The following FGF20 variants were observed in gnomAD, a reference collection of about 807,000 sequenced individuals.
The protein encoded by FGF20 is fibroblast growth factor 20.
FGF20 carries 8 observed loss-of-function variants against 16.7 expected under a neutral mutation model. The ratio of observed to expected loss-of-function variants is 0.48; its 90% CI spans 0.28 to 0.87. The LOEUF (loss-of-function observed/expected upper bound fraction) is 0.87. Among genes scored for constraint, FGF20 ranks in the 40% least tolerant of loss-of-function variants. The pLI, the probability that FGF20 is intolerant of heterozygous loss-of-function variation, is 0.10. For synonymous variants in FGF20, 161 were observed against 118.6 expected (o/e 1.36, Z -2.32); for missense variants, 397 against 281.4 (o/e 1.41, Z -2.94).
At chr8:16,997,218 T>C (rs1585102439) in intron 1 of FGF20, among the ~76,000 whole-genome samples, 1 of 152,216 alleles carries the variant, frequency 6.6e-6, no homozygotes, top group African/African-American at 2.4e-5. Context: ...CACTAAACTT[T>C]GGACTAATGC....
At chr8:16,994,841 C>T (rs556353400) in intron 2 of FGF20, among the ~76,000 whole-genome samples, 4 of 152,178 alleles carry the variant, frequency 2.6e-5, no homozygotes, top group Non-Finnish European at 1.5e-5. Flanking sequence ...CTTACCAATT[C>T]TTATAAAAGC....
chr8:17,001,865 C>A lies in FGF20; in HGVS notation c.168G>T (p.Gln56His), dbSNP rs748250152. Residue 56 changes from glutamine (Q) to histidine (H), a missense_variant, in exon 1 of 3, where the codon CAG becomes CAT. Transcript: ENST00000180166. Reference protein sequence around the residue: ...RSARGGPGAAQLAHLHGILRR... With the variant: ...RSARGGPGAAHLAHLHGILRR... Reference sequence around the variant, plus strand: ...GCAGGATGCCGTGCAGGTGCGCCAGCTGCGCAGCCCCCGGCCCGCCGCGCG... The same window carrying A: ...GCAGGATGCCGTGCAGGTGCGCCAGATGCGCAGCCCCCGGCCCGCCGCGCG... 2 of 1,472,174 alleles carry A rather than the reference C, an allele frequency of 1.4e-6. No homozygotes were observed. The highest frequency in any genetic ancestry group is 3.0e-5 in the East Asian group (1 of 33,136). 91.2% of individuals were successfully genotyped at this position (1,472,174 alleles called of 1,614,324 possible).
intron 1 of FGF20, among the ~76,000 whole-genome samples, chr8:17,000,013 T>A (rs1023435728): frequency 1.3e-5 from 2 of 152,196 alleles, no homozygotes; most frequent in African/African-American, 4.8e-5. Context: ...CGCAGTGAAG[T>A]CATCCTTAAA....
rs936160285 is a variant in FGF20 at position 17,001,947 on chromosome 8, G to C, written c.86C>G (p.Pro29Arg). Residue 29 changes from proline to arginine, a missense_variant, in exon 1 of 3, where the codon CCT (proline) becomes CGT (arginine). Transcript: ENST00000180166. ...CAGCAGCGGCGGCCGCTCCCCGGCA[G>C]GAGGCAACAGGAAATGCGAACCCAC... ...QQVGSHFLLP[P>R]AGERPPLLGE... 1 of 1,499,866 alleles carries C rather than the reference G, an allele frequency of 6.7e-7. No individual in the cohort carries two copies. The highest frequency in any genetic ancestry group is 3.0e-5 in the East Asian group (1 of 33,696). The allele number at this position is 1,499,866 out of a possible 1,614,324, so 92.9% of individuals were successfully genotyped here.
chr8:16,996,731 C>T (rs905865431), intron 1 of FGF20, among the ~76,000 whole-genome samples: 3 of 152,048 alleles, frequency 2.0e-5, no homozygotes, highest in Non-Finnish European at 4.4e-5. Flanking sequence ...AAAACAAGCC[C>T]TTAAAATAAA....
intron 1 of FGF20, among the ~76,000 whole-genome samples, chr8:16,996,053 G>C (rs937083307): frequency 6.6e-6 from 1 of 152,196 alleles, no homozygotes; most frequent in Non-Finnish European, 1.5e-5. Context: ...GCCTTGGGAA[G>C]TTGACACCCT....
chr8:16,999,702 T>G lies in FGF20; in HGVS notation c.286+2045A>C, dbSNP rs1413321301. On this transcript the variant is annotated intron_variant, in intron 1 of 2. Coordinates refer to ENST00000180166, the MANE Select transcript of FGF20 (RefSeq NM_019851.3). ...ACGCCCAGCTAATTTTTTTTTTTTTTTTGTATTTTTTGTATTTTTAGTAGA... is the reference window on the plus strand; with the variant it reads ...ACGCCCAGCTAATTTTTTTTTTTTTGTTGTATTTTTTGTATTTTTAGTAGA... Among the ~76,000 whole-genome samples, 806 of 146,922 alleles carry G rather than the reference T, an allele frequency of 5.5e-3. 8 individuals are homozygous for G. The highest frequency in any genetic ancestry group is 0.018 in the African/African-American group (711 of 39,124).
In FGF20 at chr8:16,997,833, T is replaced by G. The variant is rs1810090620; in HGVS notation, c.287-2075A>C. Among the ~76,000 whole-genome samples the G allele has an allele frequency of 2.0e-5, 3 of 152,228 alleles. No individual in the cohort carries two copies. In the South Asian group the frequency reaches 6.2e-4, roughly 32 times the overall value. Reference sequence around the variant, plus strand: ...CAAAAACATAGGCCCAAAACATAATTGGTAGAAAATATATATATTAATGTA... The same window carrying G: ...CAAAAACATAGGCCCAAAACATAATGGGTAGAAAATATATATATTAATGTA... On this transcript the variant is annotated intron_variant, in intron 1 of 2. Transcript: ENST00000180166.
chr8:16,997,072 T>G (rs1810070405), intron 1 of FGF20, among the ~76,000 whole-genome samples: 1 of 152,208 alleles, frequency 6.6e-6, no homozygotes, highest in South Asian at 2.1e-4. Context: ...AGATTTACTA[T>G]CAATAACTTT....
In FGF20 at chr8:17,002,293, G is replaced by A; in HGVS notation, c.-261C>T. 1 of 399,986 alleles carries A rather than the reference G, an allele frequency of 2.5e-6. No homozygotes were observed. The highest frequency in any genetic ancestry group is 4.4e-6 in the Non-Finnish European group (1 of 229,436). 24.8% of individuals were successfully genotyped at this position (399,986 alleles called of 1,614,324 possible). On this transcript the variant is annotated 5_prime_UTR_variant, in exon 1 of 3. Coordinates refer to ENST00000180166, the MANE Select transcript of FGF20 (RefSeq NM_019851.3). ...TCTATAGCTGCCGCTGCCAATACTA[G>A]GACTAGGGCTGTTGGCTGGGGCTCC...
chr8:17,001,762 C>T lies in FGF20; in HGVS notation c.271G>A (p.Asp91Asn), dbSNP rs1432260518. 1 of 1,577,486 alleles carries T rather than the reference C, an allele frequency of 6.3e-7. No individual in the cohort carries two copies. Among genetic ancestry groups the T allele is most frequent in the South Asian group, 1.1e-5 (1 of 87,944 alleles). ...PDGSVQGTRQ[D>N]HSLFGILEFI... is the part of the protein sequence containing the mutation. ...TAGTACGTACCGAAGAGGCTGTGGT[C>T]CTGCCGGGTGCCCTGCACGCTGCCG... The change falls in exon 1 of 3, where the codon GAC becomes AAC. Residue 91 changes from aspartate (D) to asparagine (N), a missense_variant. Physicochemically the swap from Asp to Asn is conservative, Grantham distance 23. Coordinates refer to ENST00000180166, the MANE Select transcript of FGF20 (RefSeq NM_019851.3).
At position 17,001,865 on chromosome 8, in the gene FGF20, C is replaced by G. The variant is rs748250152; in HGVS notation, c.168G>C (p.Gln56His). The G allele has an allele frequency of 1.4e-6, 2 of 1,472,176 alleles. No homozygotes were observed. The highest frequency in any genetic ancestry group is 1.8e-6 in the Non-Finnish European group (2 of 1,113,558). The allele number at this position is 1,472,176 out of a possible 1,614,324, so 91.2% of individuals were successfully genotyped here. A position where few individuals can be genotyped will look rare whatever the true frequency, so the allele number is the denominator to read the frequency against. The change falls in exon 1 of 3, where the codon CAG (glutamine) becomes CAC (histidine). Residue 56 changes from glutamine to histidine, a missense_variant. Transcript: ENST00000180166. The stretch of plus-strand genomic sequence containing the variant: ...GCAGGATGCCGTGCAGGTGCGCCAG[C>G]TGCGCAGCCCCCGGCCCGCCGCGCG... ...RSARGGPGAA[Q>H]LAHLHGILRR...
intron 1 of FGF20, among the ~76,000 whole-genome samples, chr8:17,000,358 A>G (rs1810153157): frequency 6.6e-6 from 1 of 152,130 alleles, no homozygotes; most frequent in African/African-American, 2.4e-5. Flanking sequence ...TTATTTCTAC[A>G]TCTAGAGTTA....
rs946124140 is a variant in FGF20, at chr8:16,992,781, G to A, written c.*291C>T. 21 of 252,144 alleles carry A rather than the reference G, an allele frequency of 8.3e-5. No homozygotes were observed. The highest frequency in any genetic ancestry group is 1.6e-4 in the Admixed American group (3 of 19,272). The allele number at this position is 252,144 out of a possible 1,614,324, so 15.6% of individuals were successfully genotyped here. On this transcript the variant is annotated 3_prime_UTR_variant, in exon 3 of 3. Coordinates refer to ENST00000180166, the MANE Select transcript of FGF20 (RefSeq NM_019851.3). ...GAGGTGAGGCACCAGCAGCAACCAT[G>A]TGAGGGTTCCCATTATCCACAGTTT...
At chr8:17,001,569 G>C (rs1247409274) in intron 1 of FGF20, among the ~76,000 whole-genome samples, 178 bp downstream of exon 1, 1 of 152,146 alleles carries the variant, frequency 6.6e-6, no homozygotes, top group South Asian at 2.1e-4. Flanking sequence ...TTCTCCCCGC[G>C]GCTGCTCTGG....
At chr8:16,994,751 T>C (rs1024948627) in intron 2 of FGF20, among the ~76,000 whole-genome samples, 1 of 152,150 alleles carries the variant, frequency 6.6e-6, no homozygotes, top group African/African-American at 2.4e-5. Flanking sequence ...CAATTCTTGA[T>C]GGAAATAATT....
chr8:16,998,669 C>G (rs1478127976), intron 1 of FGF20, among the ~76,000 whole-genome samples: 3 of 151,944 alleles, frequency 2.0e-5, no homozygotes, highest in Admixed American at 6.6e-5. Flanking sequence ...GTGAGTCAAC[C>G]CACAATGCAA....
Position 16,992,870 on chromosome 8 carries a change from C to A in FGF20, c.*202G>T. 3.4e-6 allele frequency: 2 copies of A among 587,172 alleles called. No homozygotes were observed. Among genetic ancestry groups the A allele is most frequent in the Non-Finnish European group, 5.8e-6 (2 of 347,162 alleles). The allele number at this position is 587,172 out of a possible 1,614,324, so 36.4% of individuals were successfully genotyped here. ...CCAATGTATCTAAGGGAACTTAATC[C>A]ACATATAAAGAGTGATCATGATCTA... On this transcript the variant is annotated 3_prime_UTR_variant, in exon 3 of 3. Transcript: ENST00000180166.
Position 16,995,755 on chromosome 8 carries a change from A to G in FGF20, c.290T>C (p.Ile97Thr). 6.4e-7 allele frequency: 1 copy of G among 1,552,812 alleles called. No individual in the cohort carries two copies. The highest frequency in any genetic ancestry group is 8.9e-7 in the Non-Finnish European group (1 of 1,128,306). Residue 97 changes from isoleucine to threonine, a missense_variant, in exon 2 of 3, where the codon ATC becomes ACC. Coordinates refer to ENST00000180166, the MANE Select transcript of FGF20 (RefSeq NM_019851.3). ...GTRQDHSLFG[I>T]LEFISVAVGL... ...CACTGCCACACTGATGAATTCCAAG[A>G]TACCTGCATATGTAAACAATTCATA...
Sources: allele counts gnomAD v4.1 joint callset (sites outside exome capture counted in the v4.1 genomes callset), GRCh38; gene constraint gnomAD v4.1.1; transcripts MANE v1.5; gene names NCBI Gene and HGNC (gene_info 2026-07-23, HGNC 2026-07-21).